The following HCRTR2 variants were observed in gnomAD, a reference collection of about 807,000 sequenced individuals.
HCRTR2 encodes hypocretin receptor 2.
HCRTR2 carries 22 observed loss-of-function variants against 49.0 expected under a neutral mutation model. That is an observed-to-expected ratio of 0.45 (90% confidence interval 0.32 to 0.64). The LOEUF is 0.64. Among genes scored for constraint, HCRTR2 ranks in the 30% least tolerant of loss-of-function variants. The probability of loss-of-function intolerance (pLI) is 0.04; values close to 1 mark genes in which losing one functional copy is unlikely to be tolerated. For missense variants in HCRTR2, 491 were observed against 559.4 expected, an observed-to-expected ratio of 0.88 and a Z score of 1.23; for synonymous variants, 236 against 205.3, an observed-to-expected ratio of 1.15 and a Z score of -1.28.
At chr6:55,236,419 A>G (rs1430374907) in intron 1 of HCRTR2, among the ~76,000 whole-genome samples, 1 of 152,062 alleles carries the variant, frequency 6.6e-6, no homozygotes, top group African/African-American at 2.4e-5. Context: ...TATTAAGATT[A>G]GTAGTTTATC....
chr6:55,173,654 T>C (rs530518193), upstream of HCRTR2, among the ~76,000 whole-genome samples: 2 of 152,312 alleles, frequency 1.3e-5, no homozygotes, highest in East Asian at 1.9e-4. Context: ...TTTAATATCA[T>C]TGAGTATATT....
At chr6:55,116,726 A>AAC (rs1764122795) in intron 1 of HCRTR2, among the ~76,000 whole-genome samples, 1 of 150,972 alleles carries the variant, frequency 6.6e-6, no homozygotes, top group African/African-American at 2.4e-5. Flanking sequence ...AAAAAAAAAA[A>AAC]AACTCTTATT....
chr6:55,279,578 G>A (rs1309759302), intron 5 of HCRTR2, among the ~76,000 whole-genome samples: 1 of 141,010 alleles, frequency 7.1e-6, no homozygotes, highest in Non-Finnish European at 1.6e-5. Flanking sequence ...CGAAGATGGA[G>A]ACTTTAGCAG....
chr6:55,277,407 A>G lies in HCRTR2; in HGVS notation c.790A>G (p.Arg264Gly), dbSNP rs766603122. 8.7e-6 allele frequency: 14 copies of G among 1,613,910 alleles called. No homozygotes were observed. The Admixed American group carries it at 1.3e-4, about 15-fold the overall frequency. Residue 264 changes from arginine to glycine, a missense_variant, in exon 5 of 7, where the codon AGA becomes GGA. Physicochemically the swap from Arg to Gly is moderately radical, Grantham distance 125. Transcript: ENST00000370862. ...CCCTGGAACATCATCTGTAGTTCAGAGAAAATGGAAGCCCCTGCAGCCTGT... is the reference window on the plus strand; with the variant it reads ...CCCTGGAACATCATCTGTAGTTCAGGGAAAATGGAAGCCCCTGCAGCCTGT... ...QIPGTSSVVQ[R>G]KWKPLQPVSQ...
intron 1 of HCRTR2, among the ~76,000 whole-genome samples, chr6:55,119,622 GTTT>G (rs149004546): frequency 2.9e-5 from 4 of 140,258 alleles, no homozygotes; most frequent in African/African-American, 8.2e-5. Flanking sequence ...CATTTTTGAT[GTTT>G]TTTTTTTTTT....
rs202119970 is a variant in HCRTR2 at position 55,263,658 on chromosome 6, A to C, written c.647-49A>C. The C allele has an allele frequency of 1.6e-4, 153 of 945,612 alleles. No individual in the cohort carries two copies. In the African/African-American group the frequency reaches 2.2e-3, roughly 14 times the overall value. 58.6% of individuals were successfully genotyped at this position (945,612 alleles called of 1,614,324 possible). ...AGCATTGACATGTATCTTTTTTAAAAGTCCATCAATTGTAACGTAAGGTTT... is the reference window on the plus strand; with the variant it reads ...AGCATTGACATGTATCTTTTTTAAACGTCCATCAATTGTAACGTAAGGTTT... On this transcript the variant is annotated intron_variant, in intron 3 of 6. Coordinates refer to ENST00000370862, the MANE Select transcript of HCRTR2 (RefSeq NM_001384272.1).
At chr6:55,214,701 A>T (rs555774476) in intron 1 of HCRTR2, among the ~76,000 whole-genome samples, 1 of 152,144 alleles carries the variant, frequency 6.6e-6, no homozygotes, top group African/African-American at 2.4e-5. Flanking sequence ...AAAGACAATG[A>T]GCTTAGAAAA....
chr6:55,229,464 T>C (rs1766072896), intron 1 of HCRTR2, among the ~76,000 whole-genome samples: 3 of 152,188 alleles, frequency 2.0e-5, no homozygotes, highest in South Asian at 2.1e-4. Flanking sequence ...TTCATTGCAG[T>C]AGTCTTCACA....
At chr6:55,260,545 G>A (rs565477083) in intron 3 of HCRTR2, among the ~76,000 whole-genome samples, 454 of 152,282 alleles carry the variant, frequency 3.0e-3, no homozygotes, top group Middle Eastern at 6.8e-3. Flanking sequence ...ACCTGGGCCA[G>A]AGAGTAGCTA....
chr6:55,234,253 ACAAT>A (rs1480842007), intron 1 of HCRTR2, among the ~76,000 whole-genome samples: 1 of 152,192 alleles, frequency 6.6e-6, no homozygotes, highest in African/African-American at 2.4e-5. Flanking sequence ...TAAATTTTAC[ACAAT>A]CAATGTCAGT....
chr6:55,179,693 A>T (rs1765098869), intron 1 of HCRTR2, among the ~76,000 whole-genome samples: 1 of 152,232 alleles, frequency 6.6e-6, no homozygotes, highest in South Asian at 2.1e-4. Flanking sequence ...ACCAAATCTA[A>T]AACTCAAACA....
intron 1 of HCRTR2, among the ~76,000 whole-genome samples, chr6:55,183,600 C>G (rs569609765): frequency 2.6e-4 from 40 of 152,168 alleles, no homozygotes; most frequent in African/African-American, 9.2e-4. Flanking sequence ...TCCATGAGAG[C>G]ATTTTGAGGA....
chr6:55,259,236 T>A (rs1375749238), intron 3 of HCRTR2, among the ~76,000 whole-genome samples: 5 of 147,796 alleles, frequency 3.4e-5, no homozygotes, highest in East Asian at 2.0e-4. Flanking sequence ...AAAAAAAAAA[T>A]GGAACCATTT....
chr6:55,184,330 G>T (rs922889606), intron 1 of HCRTR2, among the ~76,000 whole-genome samples: 3 of 152,060 alleles, frequency 2.0e-5, no homozygotes, highest in African/African-American at 7.2e-5. Context: ...ATTCTACATG[G>T]TTTTTTACTA....
chr6:55,128,238 A>G (rs6913948), intron 1 of HCRTR2, among the ~76,000 whole-genome samples: 85,775 of 151,824 alleles, frequency 0.56, 25,039 homozygotes, highest in African/African-American at 0.62. Flanking sequence ...TTGTAGGTGT[A>G]TGGTCTTATT....
At position 55,282,355 on chromosome 6, in the gene HCRTR2, C is replaced by T. The variant is rs1767209379; in HGVS notation, c.1236C>T (p.Ser412=). 1 of 1,613,346 alleles carries T rather than the reference C, an allele frequency of 6.2e-7. No individual in the cohort carries two copies. The highest frequency in any genetic ancestry group is 8.5e-7 in the Non-Finnish European group (1 of 1,179,482). ...GGAAGTCCTTGACCACTCAAATCAG[C>T]AACTTTGATAACATATCAAAACTTT... The part of the protein sequence containing the change: ...ESRKSLTTQI[S]NFDNISKLSE... The change falls in exon 7 of 7, where the codon AGC becomes AGT. Residue 412 remains serine (S), a synonymous_variant. Coordinates refer to ENST00000370862, the MANE Select transcript of HCRTR2 (RefSeq NM_001384272.1).
chr6:55,182,920 T>A (rs1270634356), intron 1 of HCRTR2, among the ~76,000 whole-genome samples: 1 of 152,224 alleles, frequency 6.6e-6, no homozygotes, highest in Non-Finnish European at 1.5e-5. Context: ...GTTAAAAGTA[T>A]TTTTAACTTG....
At chr6:55,236,381 T>G (rs1766215410) in intron 1 of HCRTR2, among the ~76,000 whole-genome samples, 1 of 152,080 alleles carries the variant, frequency 6.6e-6, no homozygotes, top group African/African-American at 2.4e-5. Context: ...CATATTGTTT[T>G]ATATTCAGCA....
intron 1 of HCRTR2, among the ~76,000 whole-genome samples, chr6:55,160,650 C>T (rs144563304): frequency 9.9e-4 from 150 of 152,128 alleles, no homozygotes; most frequent in African/African-American, 3.4e-3. Flanking sequence ...ATTTACTAAG[C>T]AAATGGAAAG....
Sources: gnomAD v4.1 joint callset for allele counts (sites outside exome capture counted in the v4.1 genomes callset) on GRCh38, gnomAD v4.1.1 for gene constraint, MANE v1.5 for transcripts, NCBI Gene and HGNC (gene_info 2026-07-23, HGNC 2026-07-21) for gene names.